NUMB: variants seen among roughly 807,000 people sequenced by gnomAD.
NUMB encodes NUMB endocytic adaptor protein.
NUMB carries 29 observed loss-of-function variants against 59.7 expected under a neutral mutation model. The ratio of observed to expected loss-of-function variants is 0.49; its 90% CI spans 0.36 to 0.66. The LOEUF (loss-of-function observed/expected upper bound fraction) is 0.66. NUMB is among the 30% of genes least tolerant of loss of function. The pLI, the probability that NUMB is intolerant of heterozygous loss-of-function variation, is 0.00. For missense variants in NUMB, 723 were observed against 822.0 expected (o/e 0.88, Z 1.47); for synonymous variants, 288 against 288.2 (o/e 1.00, Z 0.01).
intron 2 of NUMB, among the ~76,000 whole-genome samples, chr14:73,374,170 G>T (rs576836417): frequency 6.6e-6 from 1 of 151,886 alleles, no homozygotes; most frequent in African/African-American, 2.4e-5. Flanking sequence ...ACGCCCAGCC[G>T]CTCAGCTAAT....
At chr14:73,425,410 T>C (rs1897537136) in intron 1 of NUMB, among the ~76,000 whole-genome samples, 1 of 152,166 alleles carries the variant, frequency 6.6e-6, no homozygotes, top group African/African-American at 2.4e-5. Context: ...TCTCGCTATG[T>C]TGCCCAGGCT....
At chr14:73,315,341 C>T (rs1891030458) in intron 6 of NUMB, among the ~76,000 whole-genome samples, 1 of 152,050 alleles carries the variant, frequency 6.6e-6, no homozygotes. Flanking sequence ...ATTTTTCTCT[C>T]ATACTGTCTC....
At chr14:73,337,205 T>C (rs934711916) in intron 4 of NUMB, among the ~76,000 whole-genome samples, 4 of 152,082 alleles carry the variant, frequency 2.6e-5, no homozygotes, top group Non-Finnish European at 5.9e-5. Context: ...TTTTCATTCA[T>C]AGTTTTAAAA....
chr14:73,336,532 T>C (rs926533468), intron 4 of NUMB, among the ~76,000 whole-genome samples: 24 of 152,186 alleles, frequency 1.6e-4, no homozygotes, highest in Admixed American at 8.5e-4. Flanking sequence ...CATTCTCATC[T>C]TGCTAAGCAG....
At chr14:73,375,612 C>G (rs1164391755) in intron 2 of NUMB, among the ~76,000 whole-genome samples, 1 of 152,088 alleles carries the variant, frequency 6.6e-6, no homozygotes, top group Non-Finnish European at 1.5e-5. Flanking sequence ...AGTATTTGAT[C>G]AGCATGCCAT....
At chr14:73,353,668 C>T (rs746364530) in intron 4 of NUMB, among the ~76,000 whole-genome samples, 11 of 145,018 alleles carry the variant, frequency 7.6e-5, no homozygotes, top group Non-Finnish European at 1.4e-4. Context: ...GCCGAGATCT[C>T]GTCACTCCAG....
intron 2 of NUMB, among the ~76,000 whole-genome samples, chr14:73,387,127 C>T (rs966781353): frequency 1.1e-4 from 16 of 151,740 alleles, no homozygotes; most frequent in Non-Finnish European, 2.1e-4. Flanking sequence ...CGTGATCCGC[C>T]CGCCTCGGCC....
chr14:73,281,089 A>G (rs1466977243), intron 11 of NUMB, among the ~76,000 whole-genome samples: 2 of 152,074 alleles, frequency 1.3e-5, no homozygotes, highest in African/African-American at 4.8e-5. Flanking sequence ...GGAGCCCTCT[A>G]AAGGCAGGGA....
rs1890943916 is a variant in NUMB at position 73,314,096 on chromosome 14, TC to T, written c.234+2293del. ...AAAAAGTAATTGATTAGAAATAAAA[TC>T]TAAAGTTAAATTACTACTCTATAAA... On this transcript the variant is annotated intron_variant, in intron 6 of 12. Transcript: ENST00000555238. Among the ~76,000 whole-genome samples the T allele has an allele frequency of 2.6e-5, 4 of 152,270 alleles. No individual in the cohort carries two copies. In the South Asian group the frequency reaches 8.3e-4, roughly 32 times the overall value.
intron 1 of NUMB, among the ~76,000 whole-genome samples, chr14:73,430,757 C>T (rs927448608): frequency 6.6e-6 from 1 of 151,744 alleles, no homozygotes; most frequent in African/African-American, 2.4e-5. Flanking sequence ...CTGGCTAACA[C>T]GGTGAAACCC....
chr14:73,333,826 C>T (rs1250102989), intron 4 of NUMB, among the ~76,000 whole-genome samples: 1 of 151,728 alleles, frequency 6.6e-6, no homozygotes, highest in Non-Finnish European at 1.5e-5. Flanking sequence ...TTAAGACTAG[C>T]CTATGCTTCC....
chr14:73,422,073 G>A (rs1199658115), intron 1 of NUMB, among the ~76,000 whole-genome samples: 2 of 151,960 alleles, frequency 1.3e-5, no homozygotes, highest in African/African-American at 2.4e-5. Context: ...GAATCTGGGA[G>A]GTGGAGGTTG....
intron 8 of NUMB, among the ~76,000 whole-genome samples, chr14:73,289,274 T>C (rs959271496): frequency 6.6e-6 from 1 of 152,236 alleles, no homozygotes; most frequent in Non-Finnish European, 1.5e-5. Context: ...TAAAACTGGT[T>C]TGTGTATGGG....
intron 2 of NUMB, among the ~76,000 whole-genome samples, chr14:73,404,209 T>C (rs1166285439): frequency 2.0e-5 from 3 of 151,018 alleles, no homozygotes; most frequent in Non-Finnish European, 4.4e-5. Context: ...GCCACTGAAC[T>C]CCAGTCTTGG....
At chr14:73,364,516 AT>A (rs113296719) in intron 3 of NUMB, among the ~76,000 whole-genome samples, 3 of 151,984 alleles carry the variant, frequency 2.0e-5, no homozygotes, top group African/African-American at 4.8e-5. Context: ...ATAAATAAAA[AT>A]TTTAAAAAAA....
At chr14:73,323,083 A>C (rs1186887068) in intron 5 of NUMB, 47 bp downstream of exon 5, 2 of 1,427,410 alleles carry the variant, frequency 1.4e-6, no homozygotes, top group Non-Finnish European at 2.0e-6. Flanking sequence ...CTTTTAAGAA[A>C]ATATTGATAG....
In NUMB at chr14:73,279,402, G is replaced by A; in HGVS notation, c.1119C>T (p.Phe373=). 3 of 1,597,708 alleles carry A rather than the reference G, an allele frequency of 1.9e-6. No individual in the cohort carries two copies. The highest frequency in any genetic ancestry group is 2.6e-6 in the Non-Finnish European group (3 of 1,171,854). ...TFQANGTDSA[F]HVLAKPAHTA... is the part of the protein sequence containing the mutation. ...TATGGGCTGGCTTAGCAAGCACATG[G>A]AAGGCTGAGTCAGTGCCATTAGCTA... Residue 373 remains phenylalanine, a synonymous_variant, in exon 12 of 13, where the codon TTC becomes TTT. Transcript: ENST00000555238.
intron 2 of NUMB, among the ~76,000 whole-genome samples, chr14:73,398,247 T>C (rs1896228618): frequency 6.6e-6 from 1 of 152,284 alleles, no homozygotes; most frequent in South Asian, 2.1e-4. Context: ...AAATGGAATA[T>C]GCACCTATTA....
chr14:73,385,597 GTTCAAGCGA>G (rs960314656), intron 2 of NUMB, among the ~76,000 whole-genome samples: 27 of 147,176 alleles, frequency 1.8e-4, no homozygotes, highest in Admixed American at 4.1e-4. Flanking sequence ...CGCCTCCCAG[GTTCAAGCGA>G]TTCTTGTACC....
Sources: gnomAD v4.1 joint callset for allele counts (sites outside exome capture counted in the v4.1 genomes callset) on GRCh38, gnomAD v4.1.1 for gene constraint, MANE v1.5 for transcripts, NCBI Gene and HGNC (gene_info 2026-07-23, HGNC 2026-07-21) for gene names.